Variants in MYO16 observed in about 807,000 individuals in gnomAD.
MYO16 encodes unconventional myosin-XVI.
MYO16 carries 94 observed loss-of-function variants against 205.3 expected under a neutral mutation model. That is an observed-to-expected ratio of 0.46 (90% CI 0.39 to 0.54). The LOEUF (loss-of-function observed/expected upper bound fraction) is 0.54. Among genes scored for constraint, MYO16 ranks in the 20% least tolerant of loss-of-function variants. The probability of loss-of-function intolerance (pLI) is 0.00; values close to 1 mark genes in which losing one functional copy is unlikely to be tolerated. For missense variants in MYO16, 2,315 were observed against 2,387.5 expected, an observed-to-expected ratio of 0.97 and a Z score of 0.63; for synonymous variants, 988 against 954.0, an observed-to-expected ratio of 1.04 and a Z score of -0.66.
chr13:108,820,524 G>A, intron 8 of MYO16, 112 bp downstream of exon 8: 2 of 875,462 alleles, frequency 2.3e-6, no homozygotes, highest in Non-Finnish European at 3.7e-6. Flanking sequence ...ACATGCCTGT[G>A]AAGCTGTGTA....
chr13:108,648,121 T>C (rs915982179), intron 1 of MYO16, among the ~76,000 whole-genome samples: 1 of 152,190 alleles, frequency 6.6e-6, no homozygotes. Context: ...TACATCAACT[T>C]TTCAGATACA....
chr13:108,720,289 C>T (rs1414708491), intron 3 of MYO16, among the ~76,000 whole-genome samples: 1 of 152,096 alleles, frequency 6.6e-6, no homozygotes, highest in Non-Finnish European at 1.5e-5. Flanking sequence ...GGCCGGTCTG[C>T]GGTATTGCTG....
intron 10 of MYO16, among the ~76,000 whole-genome samples, chr13:108,848,410 T>C (rs1294904406): frequency 2.0e-5 from 3 of 152,204 alleles, no homozygotes; most frequent in African/African-American, 7.2e-5. Flanking sequence ...ACTATCTTAA[T>C]CCTCAAAATG....
At chr13:108,666,910 A>AT (rs1215491564) in intron 2 of MYO16, among the ~76,000 whole-genome samples, 3 of 152,130 alleles carry the variant, frequency 2.0e-5, no homozygotes. Flanking sequence ...TCTGGATGTA[A>AT]TTGTTGTAAT....
At chr13:108,520,621 G>C in the MYO16 span, among the ~76,000 whole-genome samples, 1 of 144,606 alleles carries the variant, frequency 6.9e-6, no homozygotes, top group Non-Finnish European at 1.5e-5. Flanking sequence ...TTGACAATCC[G>C]ATACATTTTT....
intron 2 of MYO16, among the ~76,000 whole-genome samples, chr13:108,689,307 G>A (rs1882802931): frequency 6.6e-6 from 1 of 151,906 alleles, no homozygotes; most frequent in African/African-American, 2.4e-5. Flanking sequence ...AAAATGCATT[G>A]TGGACATTAA....
chr13:109,090,408 C>T (rs1331317200), intron 27 of MYO16, among the ~76,000 whole-genome samples: 2 of 152,218 alleles, frequency 1.3e-5, no homozygotes, highest in Admixed American at 6.5e-5. Flanking sequence ...CTGGTGAGCT[C>T]TATGGCTGTG....
chr13:108,539,679 T>C, the MYO16 span, among the ~76,000 whole-genome samples: 1 of 152,116 alleles, frequency 6.6e-6, no homozygotes, highest in Non-Finnish European at 1.5e-5. Flanking sequence ...ATTCTGTTAC[T>C]GTATTTAATT....
At chr13:109,018,717 C>T (rs907544300) in intron 22 of MYO16, among the ~76,000 whole-genome samples, 1 of 152,174 alleles carries the variant, frequency 6.6e-6, no homozygotes, top group African/African-American at 2.4e-5. Context: ...TTTCCTGGTA[C>T]AGTCTGTCAC....
intron 27 of MYO16, among the ~76,000 whole-genome samples, chr13:109,083,791 A>T (rs1039180695): frequency 1.4e-4 from 21 of 152,184 alleles, no homozygotes; most frequent in African/African-American, 4.8e-4. Flanking sequence ...TCAGGACAGC[A>T]TGAGAGAGTT....
the MYO16 span, among the ~76,000 whole-genome samples, chr13:108,554,079 C>T: frequency 1.3e-5 from 2 of 152,092 alleles, no homozygotes; most frequent in Non-Finnish European, 2.9e-5. Flanking sequence ...ACCTTGGGTT[C>T]TCTGATATTT....
At chr13:108,517,545 TCAC>T in the MYO16 span, among the ~76,000 whole-genome samples, 1 of 152,210 alleles carries the variant, frequency 6.6e-6, no homozygotes, top group Non-Finnish European at 1.5e-5. Flanking sequence ...TAACTAATAT[TCAC>T]CATAACAAGA....
chr13:108,806,033 C>A (rs1594308468), intron 6 of MYO16, among the ~76,000 whole-genome samples: 1 of 151,992 alleles, frequency 6.6e-6, no homozygotes, highest in Non-Finnish European at 1.5e-5. Context: ...ATCACTTGAG[C>A]CCTGGAGATT....
chr13:108,912,891 G>A (rs1210757492), intron 16 of MYO16, among the ~76,000 whole-genome samples: 2 of 152,052 alleles, frequency 1.3e-5, no homozygotes, highest in African/African-American at 4.8e-5. Flanking sequence ...GGCCACTGAT[G>A]AAGAAAAAGG....
chr13:109,068,657 T>G (rs529981582), intron 27 of MYO16, among the ~76,000 whole-genome samples: 31 of 151,078 alleles, frequency 2.1e-4, no homozygotes, highest in South Asian at 1.5e-3. Flanking sequence ...AATGGCACAG[T>G]CTTGGCTCAC....
At chr13:108,923,162 C>G (rs1881822738) in intron 16 of MYO16, among the ~76,000 whole-genome samples, 1 of 152,228 alleles carries the variant, frequency 6.6e-6, no homozygotes, top group African/African-American at 2.4e-5. Flanking sequence ...GTAAGGGCCA[C>G]TCACAGGGAA....
At chr13:108,627,319 T>C (rs1190271849), upstream of MYO16, among the ~76,000 whole-genome samples, 1 of 152,180 alleles carries the variant, frequency 6.6e-6, no homozygotes, top group Non-Finnish European at 1.5e-5. Flanking sequence ...AGTTTATACA[T>C]AGAAAGCACA....
chr13:108,766,461 A>G (rs1885780223), intron 4 of MYO16, among the ~76,000 whole-genome samples: 1 of 152,232 alleles, frequency 6.6e-6, no homozygotes, highest in Non-Finnish European at 1.5e-5. Flanking sequence ...AAGAGATAGC[A>G]GTTCAATGGC....
intron 16 of MYO16, among the ~76,000 whole-genome samples, chr13:108,933,511 G>A (rs187672879): frequency 6.6e-6 from 1 of 152,156 alleles, no homozygotes; most frequent in Admixed American, 6.6e-5. Flanking sequence ...GTGTGTGTGT[G>A]TGTGTGTATG....
Sources: allele counts gnomAD v4.1 joint callset (sites outside exome capture counted in the v4.1 genomes callset), GRCh38; gene constraint gnomAD v4.1.1; transcripts MANE v1.5; gene names NCBI Gene and HGNC (gene_info 2026-07-23, HGNC 2026-07-21).